Variants in DERA observed in about 807,000 individuals in gnomAD.
The protein encoded by DERA is deoxyribose-phosphate aldolase, also known as 2-deoxy-D-ribose 5-phosphate aldolase.
Under a neutral mutation model 41.1 loss-of-function variants are expected in DERA, and 15 were observed. The observed-to-expected ratio is 0.37, with a 90% CI of 0.24 to 0.56. DERA has a LOEUF of 0.56. Among genes scored for constraint, DERA ranks in the 20% least tolerant of loss-of-function variants. The probability of loss-of-function intolerance (pLI) is 0.81; values close to 1 mark genes in which losing one functional copy is unlikely to be tolerated. For missense variants in DERA, 396 were observed against 403.4 expected, an observed-to-expected ratio of 0.98 and a Z score of 0.16; for synonymous variants, 139 against 137.4, an observed-to-expected ratio of 1.01 and a Z score of -0.08.
At chr12:15,944,955 C>A (rs1948436040) in intron 1 of DERA, among the ~76,000 whole-genome samples, 2 of 152,154 alleles carry the variant, frequency 1.3e-5, no homozygotes, top group African/African-American at 2.4e-5. Context: ...TATGGCTAGC[C>A]AGTTTTGCCA....
intron 1 of DERA, among the ~76,000 whole-genome samples, chr12:15,929,861 A>G (rs1191452001): frequency 2.6e-5 from 4 of 152,206 alleles, no homozygotes; most frequent in Non-Finnish European, 5.9e-5. Flanking sequence ...GTTTGAGCCC[A>G]TCCTGATTAA....
intron 1 of DERA, among the ~76,000 whole-genome samples, chr12:15,937,060 G>A (rs1392931227): frequency 1.3e-5 from 2 of 151,990 alleles, no homozygotes; most frequent in Non-Finnish European, 1.5e-5. Context: ...GAAGCCTCAA[G>A]CTCCTGGGCT....
chr12:16,007,441 C>G (rs1268395575), intron 6 of DERA, among the ~76,000 whole-genome samples: 1 of 152,196 alleles, frequency 6.6e-6, no homozygotes, highest in African/African-American at 2.4e-5. Flanking sequence ...GCCTCAGCCT[C>G]CCAAAGTGTT....
chr12:15,973,005 C>T (rs1288332776), intron 5 of DERA, among the ~76,000 whole-genome samples: 1 of 152,148 alleles, frequency 6.6e-6, no homozygotes, highest in African/African-American at 2.4e-5. Flanking sequence ...CTCTGATGCA[C>T]ACAGGCCTTT....
rs1565606441 is a variant in DERA, at chr12:15,988,524, G to A, written c.637+6088G>A. Among the ~76,000 whole-genome samples the A allele has an allele frequency of 1.3e-5, 2 of 152,176 alleles. No individual in the cohort carries two copies. The highest frequency in any genetic ancestry group is 2.4e-5 in the African/African-American group (1 of 41,444). On this transcript the variant is annotated intron_variant, in intron 6 of 8. Coordinates refer to ENST00000428559, the MANE Select transcript of DERA (RefSeq NM_015954.4). This position sits in a 1 kb window ranked among gnomAD's most constrained non-coding sequence, Gnocchi z 6.0. ...CCTGTGAGTGTGTGAGTCTGACTGA[G>A]TCTGAGGTTTTTATATGCTCAGAAT... is the stretch of plus-strand genomic sequence containing the variant.
At position 16,010,294 on chromosome 12, in the gene DERA, G is replaced by A. The variant is rs1948938793; in HGVS notation, c.638-22248G>A. The stretch of plus-strand genomic sequence containing the variant: ...AATGCATGACTTCTGCAGAGTCTAG[G>A]TCAGGACCATTCTTCCTGCCCCCTT... On this transcript the variant is annotated intron_variant, in intron 6 of 8. Transcript: ENST00000428559. The surrounding 1 kb of genome is among the most constrained non-coding windows in gnomAD (Gnocchi z 5.5). 6.6e-6 allele frequency among the ~76,000 whole-genome samples: 1 copy of A among 152,126 alleles called. No homozygotes were observed. The highest frequency in any genetic ancestry group is 2.1e-4 in the South Asian group (1 of 4,826).
rs1455851411 is a variant in DERA at position 15,930,122 on chromosome 12, A to G, written c.31+18708A>G. Among the ~76,000 whole-genome samples, 2 of 152,210 alleles carry G rather than the reference A, an allele frequency of 1.3e-5. 1 individual carries two copies. The highest frequency in any genetic ancestry group is 2.9e-5 in the Non-Finnish European group (2 of 68,034). On this transcript the variant is annotated intron_variant, in intron 1 of 8. Transcript: ENST00000428559. ...TAGAATATAGTGAGCCACAATAAGA[A>G]TTACAGACCCTTCCCTTTACTCAAA...
rs1948787699 is a variant in DERA at position 15,989,564 on chromosome 12, A to C, written c.637+7128A>C. Among the ~76,000 whole-genome samples, 1 of 152,082 alleles carries C rather than the reference A, an allele frequency of 6.6e-6. No homozygotes were observed. Among genetic ancestry groups the C allele is most frequent in the Non-Finnish European group, 1.5e-5 (1 of 68,028 alleles). On this transcript the variant is annotated intron_variant, in intron 6 of 8. Coordinates refer to ENST00000428559, the MANE Select transcript of DERA (RefSeq NM_015954.4). This position sits in a 1 kb window ranked among gnomAD's most constrained non-coding sequence, Gnocchi z 5.2. Reference sequence around the variant, plus strand: ...CAAGGGTCTGTATTTTGAGCTTTTAATTTTTTAGTGCCTGAGTTTTATTGT... The same window carrying C: ...CAAGGGTCTGTATTTTGAGCTTTTACTTTTTTAGTGCCTGAGTTTTATTGT...
chr12:15,961,651 A>G (rs1478788066), intron 4 of DERA, among the ~76,000 whole-genome samples: 4 of 152,196 alleles, frequency 2.6e-5, no homozygotes, highest in African/African-American at 9.6e-5. Flanking sequence ...ACTTGTATAG[A>G]CCTTAATTTT....
At chr12:15,962,476 C>G (rs1186637619) in intron 4 of DERA, among the ~76,000 whole-genome samples, 1 of 152,218 alleles carries the variant, frequency 6.6e-6, no homozygotes, top group Non-Finnish European at 1.5e-5. Flanking sequence ...AGGGCTACCA[C>G]TACTATTTTA....
At chr12:15,927,627 A>G (rs1948296857) in intron 1 of DERA, among the ~76,000 whole-genome samples, 1 of 152,190 alleles carries the variant, frequency 6.6e-6, no homozygotes, top group Admixed American at 6.5e-5. Flanking sequence ...TTTGTATGAA[A>G]AGTAATCAAC....
chr12:15,970,921 G>T lies in DERA; in HGVS notation c.508+7974G>T, dbSNP rs1437404658. Reference sequence around the variant, plus strand: ...AAGAAGTGAAAATAGAGAATAAATGGTGTTACCATCTTTATTCAGAAAGTC... The same window carrying T: ...AAGAAGTGAAAATAGAGAATAAATGTTGTTACCATCTTTATTCAGAAAGTC... On this transcript the variant is annotated intron_variant, in intron 5 of 8. Transcript: ENST00000428559. This position sits in a 1 kb window ranked among gnomAD's most constrained non-coding sequence, Gnocchi z 4.3. 6.6e-6 allele frequency among the ~76,000 whole-genome samples: 1 copy of T among 152,180 alleles called. No individual in the cohort carries two copies. The highest frequency in any genetic ancestry group is 1.5e-5 in the Non-Finnish European group (1 of 68,036).
At position 15,962,750 on chromosome 12, in the gene DERA, C is replaced by G. The variant is rs905256913; in HGVS notation, c.374-63C>G. On this transcript the variant is annotated intron_variant, in intron 4 of 8. Transcript: ENST00000428559. Reference sequence around the variant, plus strand: ...ATTGAAATTTGTTTTCCCCTCCCCCCCTTGCTTACTTTCTTTCTTCCCTCC... The same window carrying G: ...ATTGAAATTTGTTTTCCCCTCCCCCGCTTGCTTACTTTCTTTCTTCCCTCC... 14 of 1,435,654 alleles carry G rather than the reference C, an allele frequency of 9.8e-6. No homozygotes were observed. In the East Asian group the frequency reaches 1.0e-4, roughly 10 times the overall value. 88.9% of individuals were successfully genotyped at this position (1,435,654 alleles called of 1,614,324 possible).
chr12:15,926,516 C>T (rs543498994), intron 1 of DERA, among the ~76,000 whole-genome samples: 2 of 151,822 alleles, frequency 1.3e-5, no homozygotes, highest in East Asian at 3.9e-4. Flanking sequence ...GCGGGCGGAT[C>T]ACGAGATGAG....
intron 1 of DERA, among the ~76,000 whole-genome samples, chr12:15,952,750 C>T (rs1317063293): frequency 6.6e-6 from 1 of 152,214 alleles, no homozygotes; most frequent in Non-Finnish European, 1.5e-5. Context: ...CAGGTAGGCA[C>T]AAGTGTGTGG....
In DERA at chr12:15,957,138, AGATTGCAGCTGTCCAT is replaced by A; in HGVS notation, c.129+108_129+123del. The A allele has an allele frequency of 1.2e-6, 1 of 817,332 alleles. No homozygotes were observed. Among genetic ancestry groups the A allele is most frequent in the Non-Finnish European group, 2.1e-6 (1 of 485,662 alleles). The allele number at this position is 817,332 out of a possible 1,614,324, so 50.6% of individuals were successfully genotyped here. A position where few individuals can be genotyped will look rare whatever the true frequency, so the allele number is the denominator to read the frequency against. ...CACTCAAGATGCATCTAAACTTAAA[AGATTGCAGCTGTCCAT>A]GACTTATTTTAATAATTCATATATG... On this transcript the variant is annotated intron_variant, in intron 2 of 8. Transcript: ENST00000428559. The surrounding 1 kb of genome is among the most constrained non-coding windows in gnomAD (Gnocchi z 4.8).
At chr12:15,948,574 CT>C (rs1323452084) in intron 1 of DERA, among the ~76,000 whole-genome samples, 1 of 152,184 alleles carries the variant, frequency 6.6e-6, no homozygotes, top group Non-Finnish European at 1.5e-5. Flanking sequence ...CTTCTCTACA[CT>C]GGTTATTCTA....
At position 15,959,958 on chromosome 12, in the gene DERA, T is replaced by A. The variant is rs187869190; in HGVS notation, c.373+34T>A. ...TGTTGTGGCTTTTGTTGTTATTTTT[T>A]AAACATGTTTCCAGTTCTTCATACA... On this transcript the variant is annotated intron_variant, in intron 4 of 8. Coordinates refer to ENST00000428559, the MANE Select transcript of DERA (RefSeq NM_015954.4). The surrounding 1 kb of genome is among the most constrained non-coding windows in gnomAD (Gnocchi z 4.5). 9.4e-4 allele frequency: 1,399 copies of A among 1,481,106 alleles called. 20 individuals are homozygous for A. The East Asian group carries it at 0.031, about 33-fold the overall frequency. 91.7% of individuals were successfully genotyped at this position (1,481,106 alleles called of 1,614,324 possible).
chr12:15,951,873 A>G (rs1234217407), intron 1 of DERA, among the ~76,000 whole-genome samples: 1 of 152,052 alleles, frequency 6.6e-6, no homozygotes, highest in Non-Finnish European at 1.5e-5. Flanking sequence ...AGTTTTCTAC[A>G]ACAGTACTTA....
Sources: allele counts gnomAD v4.1 joint callset (sites outside exome capture counted in the v4.1 genomes callset), GRCh38; gene constraint gnomAD v4.1.1; non-coding constraint Gnocchi (gnomAD v3.1); transcripts MANE v1.5; gene names NCBI Gene and HGNC (gene_info 2026-07-23, HGNC 2026-07-21).